Variants in ELFN2 observed in about 807,000 individuals in gnomAD.
The protein encoded by ELFN2 is protein phosphatase 1 regulatory subunit 29.
ELFN2 carries 17 observed loss-of-function variants against 45.5 expected under a neutral mutation model. That is an observed-to-expected ratio of 0.37 (90% CI 0.26 to 0.56). ELFN2 has a LOEUF of 0.56. Among genes scored for constraint, ELFN2 ranks in the 20% least tolerant of loss-of-function variants. The pLI is 0.77. For missense variants in ELFN2, 922 were observed against 1,183.2 expected, an observed-to-expected ratio of 0.78 and a Z score of 3.24; for synonymous variants, 550 against 551.5, an observed-to-expected ratio of 1.00 and a Z score of 0.04.
intron 2 of ELFN2, among the ~76,000 whole-genome samples, chr22:37,408,887 T>C (rs1009631660): frequency 6.6e-6 from 1 of 152,236 alleles, no homozygotes; most frequent in Non-Finnish European, 1.5e-5. Flanking sequence ...GAGCAGTGCC[T>C]GGCACATGGT....
chr22:37,408,890 C>T (rs1182361363), intron 2 of ELFN2, among the ~76,000 whole-genome samples: 1 of 152,196 alleles, frequency 6.6e-6, no homozygotes. Flanking sequence ...CAGTGCCTGG[C>T]ACATGGTGTG....
Position 37,374,265 on chromosome 22 carries a change from T to C in ELFN2, c.1270A>G (p.Met424Val), listed in dbSNP as rs1469383325. 6.2e-7 allele frequency: 1 copy of C among 1,614,022 alleles called. No individual in the cohort carries two copies. The highest frequency in any genetic ancestry group is 8.5e-7 in the Non-Finnish European group (1 of 1,180,040). ...AVYYCLRKRR[M>V]QEEKQKSVNV... Reference sequence around the variant, plus strand: ...ACAGACTTCTGCTTCTCCTCCTGCATGCGCCGCTTGCGCAGGCAGTAGTAC... The same window carrying C: ...ACAGACTTCTGCTTCTCCTCCTGCACGCGCCGCTTGCGCAGGCAGTAGTAC... Residue 424 changes from methionine (M) to valine (V), a missense_variant, in exon 3 of 3, where the codon ATG becomes GTG. Met to Val is a conservative substitution (Grantham distance 21, BLOSUM62 1). Around this residue, in one of 2 missense-constraint regions of ELFN2, gnomAD observed 564 missense variants for 642.8 expected, o/e 0.88. Transcript: ENST00000402918.
At chr22:37,393,291 C>T (rs539368559) in intron 2 of ELFN2, among the ~76,000 whole-genome samples, 4 of 152,360 alleles carry the variant, frequency 2.6e-5, no homozygotes, top group Admixed American at 6.5e-5. Flanking sequence ...GAATGGAAGC[C>T]GATCCTCTCT....
At chr22:37,346,154 G>A (rs868755918) in intron 1 of ELFN2, among the ~76,000 whole-genome samples, 1 of 152,236 alleles carries the variant, frequency 6.6e-6, no homozygotes, top group Admixed American at 6.5e-5. Flanking sequence ...CCCAGTGCCT[G>A]GCTCAAAACT....
At chr22:37,365,878 G>T (rs117928298), downstream of ELFN2, among the ~76,000 whole-genome samples, 597 of 147,576 alleles carry the variant, frequency 4.0e-3, 6 homozygotes, top group African/African-American at 0.014. Flanking sequence ...TCACCTTTTT[G>T]TCATCTATAT....
intron 2 of ELFN2, among the ~76,000 whole-genome samples, chr22:37,413,772 T>C (rs891372714): frequency 6.6e-6 from 1 of 152,164 alleles, no homozygotes. Context: ...AGCATCTGGA[T>C]TGATTTCTTT....
intron 2 of ELFN2, among the ~76,000 whole-genome samples, chr22:37,413,856 G>A (rs573876353): frequency 5.9e-5 from 9 of 152,226 alleles, no homozygotes; most frequent in Middle Eastern, 3.4e-3. Context: ...ATTTTGACTC[G>A]GCATCCAGAG....
Position 37,375,679 on chromosome 22 carries a change from G to A in ELFN2, c.-145C>T. On this transcript the variant is annotated 5_prime_UTR_variant, in exon 3 of 3. Transcript: ENST00000402918. ...GGGGGCCCCAGGCAAGGTGGGTACA[G>A]CTAGTGCCAACTGCTGGGGATCTTC... The A allele has an allele frequency of 3.3e-6, 3 of 906,592 alleles. No homozygotes were observed. The highest frequency in any genetic ancestry group is 7.0e-4 in the Middle Eastern group (2 of 2,838). 56.2% of individuals were successfully genotyped at this position (906,592 alleles called of 1,614,324 possible).
At chr22:37,393,341 G>T (rs1016468840) in intron 2 of ELFN2, among the ~76,000 whole-genome samples, 1 of 152,284 alleles carries the variant, frequency 6.6e-6, no homozygotes, top group East Asian at 1.9e-4. Flanking sequence ...GCCTCCACTC[G>T]CACCTGGGCC....
Position 37,373,342 on chromosome 22 carries a change from G to A in ELFN2, c.2193C>T (p.Leu731=), listed in dbSNP as rs1234201942. ...CACGCTTGGAGCGGGTCAGCGGCTT[G>A]AGGAAGGACACGCGCTGGCTCAGGC... ...ADSLSQRVSF[L]KPLTRSKRDS... Residue 731 remains leucine, a synonymous_variant, in exon 3 of 3, where the codon CTC becomes CTT. Transcript: ENST00000402918. The A allele has an allele frequency of 4.3e-6, 7 of 1,613,378 alleles. No homozygotes were observed. Among genetic ancestry groups the A allele is most frequent in the East Asian group, 2.2e-5 (1 of 44,880 alleles).
intron 1 of ELFN2, among the ~76,000 whole-genome samples, chr22:37,347,296 C>T (rs1365724143): frequency 6.6e-6 from 1 of 152,134 alleles, no homozygotes; most frequent in Non-Finnish European, 1.5e-5. Flanking sequence ...TTCATTATTT[C>T]CTGGAGGGCT....
At chr22:37,358,149 C>T (rs1037742524) in intron 1 of ELFN2, among the ~76,000 whole-genome samples, 8 of 152,114 alleles carry the variant, frequency 5.3e-5, no homozygotes, top group Admixed American at 3.3e-4. Flanking sequence ...GAGCACAGAA[C>T]CCTCACCTCC....
chr22:37,395,284 G>A (rs1431559909), intron 2 of ELFN2, among the ~76,000 whole-genome samples: 1 of 152,098 alleles, frequency 6.6e-6, no homozygotes, highest in African/African-American at 2.4e-5. Flanking sequence ...AGCACCAGAA[G>A]AAACGTCCTA....
chr22:37,406,479 C>T (rs972166467), intron 2 of ELFN2, among the ~76,000 whole-genome samples: 2 of 152,176 alleles, frequency 1.3e-5, no homozygotes, highest in Non-Finnish European at 2.9e-5. Context: ...GCAAAGGGAC[C>T]CCCAGACAGT....
At chr22:37,363,669 C>CCGGG (rs950846869), downstream of ELFN2, among the ~76,000 whole-genome samples, 1 of 152,152 alleles carries the variant, frequency 6.6e-6, no homozygotes, top group Non-Finnish European at 1.5e-5. Flanking sequence ...GAGAGGCAGC[C>CCGGG]CGGGCCTCAA....
intron 1 of ELFN2, among the ~76,000 whole-genome samples, chr22:37,343,292 TG>T (rs1459080740): frequency 2.0e-5 from 3 of 152,124 alleles, no homozygotes; most frequent in African/African-American, 7.2e-5. Context: ...CGCTCCTCCC[TG>T]CTCCCCCGCC....
chr22:37,415,444 C>T (rs1295402878), intron 2 of ELFN2, among the ~76,000 whole-genome samples: 1 of 152,168 alleles, frequency 6.6e-6, no homozygotes, highest in Admixed American at 6.5e-5. Flanking sequence ...GAGAGGAGCA[C>T]CAGAGAGGGA....
At chr22:37,392,149 T>C (rs894360629) in intron 2 of ELFN2, among the ~76,000 whole-genome samples, 1 of 152,228 alleles carries the variant, frequency 6.6e-6, no homozygotes, top group Non-Finnish European at 1.5e-5. Context: ...AGACTTTCCT[T>C]GGCCCTCCTC....
At chr22:37,414,764 C>T (rs1932736666) in intron 2 of ELFN2, among the ~76,000 whole-genome samples, 2 of 152,194 alleles carry the variant, frequency 1.3e-5, no homozygotes, top group Admixed American at 6.5e-5. Flanking sequence ...GGCGGTCTCA[C>T]TTACAAAGGG....
Sources: gnomAD v4.1 joint callset for allele counts (sites outside exome capture counted in the v4.1 genomes callset) on GRCh38, gnomAD v4.1.1 for gene constraint, gnomAD v4.1.1 regional missense constraint, MANE v1.5 for transcripts, NCBI Gene and HGNC (gene_info 2026-07-23, HGNC 2026-07-21) for gene names.